SUGCT: variants seen among roughly 807,000 people sequenced by gnomAD.
SUGCT encodes succinyl-CoA:glutarate CoA-transferase.
SUGCT carries 41 observed loss-of-function variants against 55.0 expected under a neutral mutation model. That is an observed-to-expected ratio of 0.74 (90% CI 0.58 to 0.97). The LOEUF is 0.97. Ranked by LOEUF, SUGCT falls within the 50% of genes least tolerant of loss-of-function variation. SUGCT has a pLI of 0.00. For missense variants in SUGCT, 568 were observed against 547.8 expected (o/e 1.04, Z -0.37); for synonymous variants, 187 against 200.4 (o/e 0.93, Z 0.56).
At chr7:40,804,191 T>A (rs1790969945) in intron 13 of SUGCT, among the ~76,000 whole-genome samples, 1 of 152,300 alleles carries the variant, frequency 6.6e-6, no homozygotes, top group Non-Finnish European at 1.5e-5. Flanking sequence ...ACTTTGTACA[T>A]CTTGTGCATA....
chr7:40,410,807 C>G (rs558191571), intron 9 of SUGCT, among the ~76,000 whole-genome samples: 57 of 152,248 alleles, frequency 3.7e-4, no homozygotes, highest in African/African-American at 1.3e-3. Context: ...CATTGAAAAG[C>G]TGTAATTTTA....
chr7:40,452,864 A>G (rs1348728442), intron 10 of SUGCT, among the ~76,000 whole-genome samples: 1 of 152,146 alleles, frequency 6.6e-6, no homozygotes, highest in East Asian at 1.9e-4. Context: ...CCTGGACAGA[A>G]TTGCATGAAT....
intron 9 of SUGCT, among the ~76,000 whole-genome samples, chr7:40,361,321 T>A (rs1018505433): frequency 7.9e-5 from 12 of 152,060 alleles, no homozygotes; most frequent in Admixed American, 7.2e-4. Context: ...ACGCTGGTAA[T>A]CCTAGCACTT....
chr7:40,968,727 G>A, the SUGCT span, among the ~76,000 whole-genome samples: 1 of 152,148 alleles, frequency 6.6e-6, no homozygotes, highest in African/African-American at 2.4e-5. Flanking sequence ...CAAGACAAGA[G>A]GAGTAACCAA....
At chr7:40,818,071 A>G (rs559783133) in intron 13 of SUGCT, among the ~76,000 whole-genome samples, 2 of 152,228 alleles carry the variant, frequency 1.3e-5, no homozygotes, top group African/African-American at 4.8e-5. Flanking sequence ...TTCTGAGAGA[A>G]TAGGAACCAA....
At chr7:40,458,875 A>G (rs1789631275) in intron 10 of SUGCT, among the ~76,000 whole-genome samples, 1 of 152,148 alleles carries the variant, frequency 6.6e-6, no homozygotes, top group South Asian at 2.1e-4. Flanking sequence ...ATATGTAAGA[A>G]TATTTGCTTA....
chr7:40,611,634 A>G (rs757951176), intron 12 of SUGCT, among the ~76,000 whole-genome samples: 1 of 152,244 alleles, frequency 6.6e-6, no homozygotes, highest in Non-Finnish European at 1.5e-5. Flanking sequence ...AGTAGTAACA[A>G]TAGTACTCCT....
chr7:40,405,141 T>A (rs1786287752), intron 9 of SUGCT, among the ~76,000 whole-genome samples: 1 of 151,984 alleles, frequency 6.6e-6, no homozygotes, highest in Non-Finnish European at 1.5e-5. Flanking sequence ...ACAGCAGAAG[T>A]GTTTAAATAG....
chr7:40,829,021 A>G, intron 13 of SUGCT, among the ~76,000 whole-genome samples: 1 of 152,160 alleles, frequency 6.6e-6, no homozygotes, highest in East Asian at 1.9e-4. Flanking sequence ...CAGCAAAGAC[A>G]CCAGCCGAAA....
Position 40,449,349 on chromosome 7 carries a change from C to A in SUGCT, c.879C>A (p.Thr293=). 1 of 1,609,850 alleles carries A rather than the reference C, an allele frequency of 6.2e-7. No individual in the cohort carries two copies. Among genetic ancestry groups the A allele is most frequent in the Non-Finnish European group, 8.5e-7 (1 of 1,176,754 alleles). Reference sequence around the variant, plus strand: ...CAGGAAATAACCAGCAGTTTGCCACCGTCTGCAAGGTAATCTATAATTATT... The same window carrying A: ...CAGGAAATAACCAGCAGTTTGCCACAGTCTGCAAGGTAATCTATAATTATT... The part of the protein sequence containing the change: ...VGAGNNQQFA[T]VCKILDLPEL... The change falls in exon 10 of 14, where the codon ACC becomes ACA. Residue 293 remains threonine (T), a synonymous_variant. Coordinates refer to ENST00000335693, the MANE Select transcript of SUGCT (RefSeq NM_001193313.2).
chr7:40,545,551 C>T (rs1012734847), intron 12 of SUGCT, among the ~76,000 whole-genome samples: 3 of 152,094 alleles, frequency 2.0e-5, no homozygotes, highest in African/African-American at 7.2e-5. Context: ...TATGGCCTTA[C>T]CTGAAAGCTT....
the SUGCT span, among the ~76,000 whole-genome samples, chr7:41,005,432 C>T: frequency 3.9e-5 from 6 of 151,994 alleles, no homozygotes; most frequent in Admixed American, 1.3e-4. Flanking sequence ...GGAAGAAATG[C>T]GGGTATTCCC....
intron 12 of SUGCT, among the ~76,000 whole-genome samples, chr7:40,629,948 G>T (rs963966310): frequency 6.6e-6 from 1 of 152,074 alleles, no homozygotes; most frequent in Admixed American, 6.6e-5. Context: ...AAATTTTTGA[G>T]GCCAATTTCA....
At chr7:40,765,005 T>A (rs1364001432) in intron 13 of SUGCT, among the ~76,000 whole-genome samples, 2 of 152,202 alleles carry the variant, frequency 1.3e-5, no homozygotes, top group African/African-American at 4.8e-5. Flanking sequence ...GGTTTCATAA[T>A]CTCCTTTGCC....
At chr7:40,897,390 T>A in the SUGCT span, among the ~76,000 whole-genome samples, 1 of 151,732 alleles carries the variant, frequency 6.6e-6, no homozygotes, top group Non-Finnish European at 1.5e-5. Flanking sequence ...ACTTTAAATA[T>A]ATACAATTTT....
At chr7:40,561,999 T>C (rs984587098) in intron 12 of SUGCT, among the ~76,000 whole-genome samples, 1 of 148,948 alleles carries the variant, frequency 6.7e-6, no homozygotes. Flanking sequence ...CTAAGCTGAG[T>C]CTAAAAAGGT....
intron 1 of SUGCT, among the ~76,000 whole-genome samples, chr7:40,149,635 C>T (rs559128293): frequency 3.9e-5 from 6 of 152,102 alleles, no homozygotes; most frequent in East Asian, 1.9e-4. Flanking sequence ...ATATAAAAAT[C>T]GGCCGGGCAT....
chr7:40,255,846 C>A (rs562167846), intron 7 of SUGCT, among the ~76,000 whole-genome samples: 1 of 152,146 alleles, frequency 6.6e-6, no homozygotes, highest in South Asian at 2.1e-4. Flanking sequence ...GTACATAGAT[C>A]TTTGAAATTC....
intron 12 of SUGCT, among the ~76,000 whole-genome samples, chr7:40,498,423 G>T (rs1344907494): frequency 1.3e-5 from 2 of 152,142 alleles, no homozygotes; most frequent in African/African-American, 2.4e-5. Flanking sequence ...TCTGGAATGT[G>T]CAAGTTTTCC....
Sources: allele counts gnomAD v4.1 joint callset (sites outside exome capture counted in the v4.1 genomes callset), GRCh38; gene constraint gnomAD v4.1.1; transcripts MANE v1.5; gene names NCBI Gene and HGNC (gene_info 2026-07-23, HGNC 2026-07-21).